The following SLC24A3 variants were observed in gnomAD, a reference collection of about 807,000 sequenced individuals.
The protein encoded by SLC24A3 is solute carrier family 24 member 3.
SLC24A3 carries 28 observed loss-of-function variants against 75.8 expected under a neutral mutation model. That is an observed-to-expected ratio of 0.37 (90% CI 0.27 to 0.51). The LOEUF is 0.51. Ranked by LOEUF, SLC24A3 falls within the 20% of genes least tolerant of loss-of-function variation. The pLI, the probability that SLC24A3 is intolerant of heterozygous loss-of-function variation, is 0.94. For synonymous variants in SLC24A3, 372 were observed against 334.1 expected (o/e 1.11, Z -1.24); for missense variants, 663 against 847.8 (o/e 0.78, Z 2.71).
intron 1 of SLC24A3, among the ~76,000 whole-genome samples, chr20:19,230,628 G>T (rs1343450152): frequency 1.1e-5 from 1 of 92,504 alleles, no homozygotes; most frequent in South Asian, 5.0e-4. Context: ...ATATTGATGG[G>T]GGGGAATGGA....
chr20:19,620,115 C>A (rs1005990633), intron 6 of SLC24A3, among the ~76,000 whole-genome samples: 1 of 152,156 alleles, frequency 6.6e-6, no homozygotes, highest in Non-Finnish European at 1.5e-5. Flanking sequence ...TTTAGACATC[C>A]CATCAGTCTA....
At chr20:19,230,984 C>T (rs189565342) in intron 1 of SLC24A3, among the ~76,000 whole-genome samples, 55 of 152,264 alleles carry the variant, frequency 3.6e-4, no homozygotes, top group African/African-American at 1.1e-3. Context: ...TAAAGCTATC[C>T]GATATTAACT....
chr20:19,578,485 AG>A (rs370408540), intron 3 of SLC24A3, among the ~76,000 whole-genome samples: 28 of 152,038 alleles, frequency 1.8e-4, no homozygotes, highest in African/African-American at 6.8e-4. Context: ...CCATAAAAAG[AG>A]GGTGTCTCTG....
chr20:19,379,800 T>C (rs773210898), intron 2 of SLC24A3, among the ~76,000 whole-genome samples: 7 of 152,208 alleles, frequency 4.6e-5, no homozygotes, highest in Non-Finnish European at 1.0e-4. Flanking sequence ...GTTTCATCTA[T>C]GGATTTGGGA....
chr20:19,405,897 T>G (rs1423578083), intron 2 of SLC24A3, among the ~76,000 whole-genome samples: 1 of 152,228 alleles, frequency 6.6e-6, no homozygotes, highest in Non-Finnish European at 1.5e-5. Context: ...ACACACGGAT[T>G]TGGAAATGTA....
chr20:19,295,083 G>A (rs548824643), intron 2 of SLC24A3, among the ~76,000 whole-genome samples: 5 of 152,038 alleles, frequency 3.3e-5, no homozygotes, highest in Admixed American at 3.3e-4. Context: ...TCATATGTTT[G>A]TTGGCCGTAC....
At chr20:19,350,608 A>G (rs946423486) in intron 2 of SLC24A3, among the ~76,000 whole-genome samples, 2 of 152,220 alleles carry the variant, frequency 1.3e-5, no homozygotes, top group Admixed American at 6.5e-5. Flanking sequence ...CTTGAGCTCC[A>G]GGGCACCATG....
intron 3 of SLC24A3, among the ~76,000 whole-genome samples, chr20:19,555,883 T>A (rs1205987435): frequency 6.6e-6 from 1 of 152,170 alleles, no homozygotes; most frequent in Non-Finnish European, 1.5e-5. Flanking sequence ...TGTGTCTCAG[T>A]CAATTCAGGC....
At chr20:19,599,455 C>G (rs939397933) in intron 6 of SLC24A3, among the ~76,000 whole-genome samples, 1 of 152,050 alleles carries the variant, frequency 6.6e-6, no homozygotes, top group Non-Finnish European at 1.5e-5. Flanking sequence ...GTGATGCGGT[C>G]CCTCCCGTGC....
chr20:19,384,182 G>T (rs187630418), intron 2 of SLC24A3, among the ~76,000 whole-genome samples: 12 of 152,220 alleles, frequency 7.9e-5, no homozygotes, highest in Non-Finnish European at 1.2e-4. Context: ...TTTGTTTCAT[G>T]TTAATAATAT....
chr20:19,629,411 T>C (rs2031907747), intron 6 of SLC24A3, among the ~76,000 whole-genome samples: 2 of 152,074 alleles, frequency 1.3e-5, no homozygotes, highest in Non-Finnish European at 2.9e-5. Flanking sequence ...AAGAGACATA[T>C]AGGATACGAT....
At chr20:19,435,439 C>A (rs1987181945) in intron 2 of SLC24A3, among the ~76,000 whole-genome samples, 1 of 152,186 alleles carries the variant, frequency 6.6e-6, no homozygotes, top group Non-Finnish European at 1.5e-5. Context: ...TATACCATAG[C>A]ATTAAGTACA....
chr20:19,696,992 A>T (rs2032815974), intron 14 of SLC24A3, 81 bp downstream of exon 14: 1 of 384,194 alleles, frequency 2.6e-6, no homozygotes. Flanking sequence ...GGAGGGAGGG[A>T]AGGAAGGCAG....
At chr20:19,599,023 C>T (rs2031488832) in intron 6 of SLC24A3, among the ~76,000 whole-genome samples, 1 of 152,038 alleles carries the variant, frequency 6.6e-6, no homozygotes, top group Admixed American at 6.5e-5. Context: ...TCAGTTGAGT[C>T]GATGTGAAAT....
chr20:19,563,611 C>A (rs928150424), intron 3 of SLC24A3, among the ~76,000 whole-genome samples: 1 of 152,274 alleles, frequency 6.6e-6, no homozygotes, highest in East Asian at 1.9e-4. Context: ...AGCCTGCTGG[C>A]GTCCTGTGTC....
At chr20:19,541,304 T>C (rs1456873280) in intron 3 of SLC24A3, among the ~76,000 whole-genome samples, 1 of 152,214 alleles carries the variant, frequency 6.6e-6, no homozygotes, top group Non-Finnish European at 1.5e-5. Context: ...GGAGCTATCC[T>C]AACACTCCTC....
intron 1 of SLC24A3, among the ~76,000 whole-genome samples, chr20:19,220,393 T>C (rs1250791185): frequency 6.6e-6 from 1 of 152,224 alleles, no homozygotes; most frequent in Non-Finnish European, 1.5e-5. Context: ...CAAAAGTCAT[T>C]TTCACTTTAG....
At position 19,366,864 on chromosome 20, in the gene SLC24A3, A is replaced by G. The variant is rs1985901091; in HGVS notation, c.271+85777A>G. On this transcript the variant is annotated intron_variant, in intron 2 of 16. Transcript: ENST00000328041. Reference sequence around the variant, plus strand: ...TCTTCCATTCCCACCTCCCACCCCCAGATCTGCATACCCTGCACCTGACCA... The same window carrying G: ...TCTTCCATTCCCACCTCCCACCCCCGGATCTGCATACCCTGCACCTGACCA... 2.6e-5 allele frequency among the ~76,000 whole-genome samples: 4 copies of G among 152,222 alleles called. No individual in the cohort carries two copies. The South Asian group carries it at 8.3e-4, about 32-fold the overall frequency.
intron 2 of SLC24A3, among the ~76,000 whole-genome samples, chr20:19,281,622 C>G (rs1241490269): frequency 6.6e-6 from 1 of 151,932 alleles, no homozygotes; most frequent in African/African-American, 2.4e-5. Context: ...TCTAATGTTA[C>G]TAAACAGAAA....
Sources: allele counts gnomAD v4.1 joint callset (sites outside exome capture counted in the v4.1 genomes callset), GRCh38; gene constraint gnomAD v4.1.1; transcripts MANE v1.5; gene names NCBI Gene and HGNC (gene_info 2026-07-23, HGNC 2026-07-21).